ESR1: variants seen among roughly 807,000 people sequenced by gnomAD.
ESR1 encodes the protein estrogen receptor 1, also known as estrogen receptor.
In ESR1, 12 loss-of-function variants were observed where a neutral mutation model predicts 52.7. The ratio of observed to expected loss-of-function variants is 0.23; its 90% CI spans 0.15 to 0.37. The LOEUF (loss-of-function observed/expected upper bound fraction) is 0.37, where lower values mean the gene tolerates loss of function less well. Ranked by LOEUF, ESR1 falls within the 10% of genes least tolerant of loss-of-function variation. The pLI, the probability that ESR1 is intolerant of heterozygous loss-of-function variation, is 1.00. For missense variants in ESR1, 584 were observed against 779.7 expected (o/e 0.75, Z 2.99); for synonymous variants, 305 against 316.8 (o/e 0.96, Z 0.39).
chr6:151,958,229 G>A (rs2037224592), intron 4 of ESR1, among the ~76,000 whole-genome samples: 1 of 152,174 alleles, frequency 6.6e-6, no homozygotes. Flanking sequence ...TTCTGACGTG[G>A]TGTCAACTTA....
chr6:151,825,995 T>G (rs1781426873), intron 1 of ESR1, among the ~76,000 whole-genome samples: 1 of 147,054 alleles, frequency 6.8e-6, no homozygotes, highest in East Asian at 2.0e-4. Flanking sequence ...CAGGTGGAAG[T>G]GGAGGTGACT....
chr6:151,956,843 AAT>A (rs1253747719), intron 4 of ESR1, among the ~76,000 whole-genome samples: 4 of 44,462 alleles, frequency 9.0e-5, no homozygotes, highest in South Asian at 4.3e-4. Context: ...AATATAAATA[AAT>A]ATATATATAT....
intron 1 of ESR1, among the ~76,000 whole-genome samples, chr6:151,693,034 G>A (rs1366281754): frequency 6.6e-6 from 1 of 152,198 alleles, no homozygotes; most frequent in African/African-American, 2.4e-5. Flanking sequence ...CTCTCTAGCT[G>A]TGCAATTTAG....
intron 2 of ESR1, among the ~76,000 whole-genome samples, chr6:151,744,605 C>T (rs1783347136): frequency 6.6e-6 from 1 of 152,104 alleles, no homozygotes; most frequent in Admixed American, 6.5e-5. Flanking sequence ...GTTATATATT[C>T]TGGATAGTAG....
chr6:152,047,849 T>G (rs137942075), intron 5 of ESR1, among the ~76,000 whole-genome samples: 1 of 151,996 alleles, frequency 6.6e-6, no homozygotes, highest in Non-Finnish European at 1.5e-5. Context: ...CTGTGGCCTG[T>G]GGCCACTATG....
At chr6:151,692,190 C>T (rs146035350) in intron 1 of ESR1, among the ~76,000 whole-genome samples, 105 of 152,324 alleles carry the variant, frequency 6.9e-4, no homozygotes, top group African/African-American at 2.4e-3. Flanking sequence ...TTTCTGATAA[C>T]TCTGTGTCTT....
At chr6:151,786,210 T>C (rs1421776722) in intron 2 of ESR1, among the ~76,000 whole-genome samples, 1 of 152,122 alleles carries the variant, frequency 6.6e-6, no homozygotes. Context: ...GGAGAAGAGA[T>C]GGTAGTGGGA....
chr6:151,807,773 G>GGCCAGA lies in ESR1; in HGVS notation c.-137_-132dup. 1.2e-6 allele frequency: 1 copy of GGCCAGA among 847,628 alleles called. No individual in the cohort carries two copies. Among genetic ancestry groups the GGCCAGA allele is most frequent in the African/African-American group, 1.7e-5 (1 of 59,974 alleles). 52.5% of individuals were successfully genotyped at this position (847,628 alleles called of 1,614,324 possible). A position where few individuals can be genotyped will look rare whatever the true frequency, so the allele number is the denominator to read the frequency against. The stretch of plus-strand genomic sequence containing the variant: ...CCGCAGGCTCCCGGGGCAGGGCCGG[G>GGCCAGA]GCCAGAGCTCGCGTGTCGGCGGGAC... On this transcript the variant is annotated 5_prime_UTR_variant, in exon 1 of 8. Coordinates refer to ENST00000206249, the MANE Select transcript of ESR1 (RefSeq NM_000125.4).
chr6:152,067,782 G>A (rs185638342), intron 6 of ESR1, among the ~76,000 whole-genome samples: 14 of 152,222 alleles, frequency 9.2e-5, no homozygotes, highest in South Asian at 8.3e-4. Context: ...AGCCAAGATC[G>A]TGCCATTGCA....
At chr6:151,865,191 G>A (rs1164538716) in intron 2 of ESR1, among the ~76,000 whole-genome samples, 1 of 151,954 alleles carries the variant, frequency 6.6e-6, no homozygotes, top group Admixed American at 6.6e-5. Context: ...CCCACACATA[G>A]ATATTTTGTT....
At chr6:151,737,077 T>A (rs916027302) in intron 2 of ESR1, among the ~76,000 whole-genome samples, 3 of 152,216 alleles carry the variant, frequency 2.0e-5, no homozygotes, top group Non-Finnish European at 4.4e-5. Flanking sequence ...ACACGTACTG[T>A]TTGGTAGCCT....
chr6:151,815,260 G>A (rs1024589240), intron 1 of ESR1, among the ~76,000 whole-genome samples: 1 of 152,114 alleles, frequency 6.6e-6, no homozygotes. Flanking sequence ...TCCAATTTGC[G>A]TATGAGATAA....
chr6:152,043,486 A>G (rs1159698185), intron 5 of ESR1, among the ~76,000 whole-genome samples: 1 of 152,098 alleles, frequency 6.6e-6, no homozygotes, highest in South Asian at 2.1e-4. Flanking sequence ...CACATTCTGA[A>G]CCTCATCTCT....
chr6:151,967,181 T>G (rs920328540), intron 4 of ESR1, among the ~76,000 whole-genome samples: 2 of 152,130 alleles, frequency 1.3e-5, no homozygotes, highest in Admixed American at 6.5e-5. Context: ...ACTGCCAGAA[T>G]GATCTCTTTT....
intron 1 of ESR1, among the ~76,000 whole-genome samples, chr6:151,670,854 C>T (rs764711689): frequency 1.1e-4 from 16 of 148,336 alleles, no homozygotes; most frequent in African/African-American, 4.0e-4. Flanking sequence ...CTCCAATATC[C>T]GCCTCCCGGG....
At chr6:152,124,794 T>A (rs2052765883) in intron 6 of ESR1, among the ~76,000 whole-genome samples, 1 of 152,232 alleles carries the variant, frequency 6.6e-6, no homozygotes, top group African/African-American at 2.4e-5. Context: ...TTGAGTTACC[T>A]GAGCATAAAA....
chr6:151,842,803 A>G lies in ESR1; in HGVS notation c.643+16A>G, dbSNP rs2128234934. ...AGTATTCAAGGTAATAGTGTGTTGA[A>G]AACGACTTCTATTTTTGATCCTATG... On this transcript the variant is annotated intron_variant, in intron 2 of 7. Coordinates refer to ENST00000206249, the MANE Select transcript of ESR1 (RefSeq NM_000125.4). 1 of 1,612,140 alleles carries G rather than the reference A, an allele frequency of 6.2e-7. No homozygotes were observed. The highest frequency in any genetic ancestry group is 8.5e-7 in the Non-Finnish European group (1 of 1,178,356).
At chr6:152,111,413 A>T (rs2152513675) in intron 6 of ESR1, among the ~76,000 whole-genome samples, 1 of 152,308 alleles carries the variant, frequency 6.6e-6, no homozygotes, top group East Asian at 1.9e-4. Context: ...GGGTTGCAGG[A>T]CAGACAGCCC....
intron 4 of ESR1, among the ~76,000 whole-genome samples, chr6:151,972,840 C>T (rs9371570): frequency 0.05 from 7,541 of 152,168 alleles, 487 homozygotes; most frequent in African/African-American, 0.15. Flanking sequence ...AGCAGGGAAG[C>T]CAAAAGTGCA....
Sources: allele counts gnomAD v4.1 joint callset (sites outside exome capture counted in the v4.1 genomes callset), GRCh38; gene constraint gnomAD v4.1.1; transcripts MANE v1.5; gene names NCBI Gene and HGNC (gene_info 2026-07-23, HGNC 2026-07-21).